The following APOBEC3H variants were observed in gnomAD, a reference collection of about 807,000 sequenced individuals.
The protein encoded by APOBEC3H is apolipoprotein B mRNA editing enzyme catalytic subunit 3H, also known as DNA dC->dU-editing enzyme APOBEC-3H.
In APOBEC3H, 8 loss-of-function variants were observed where a neutral mutation model predicts 21.2. That is an observed-to-expected ratio of 0.38 (90% CI 0.22 to 0.68). The LOEUF (loss-of-function observed/expected upper bound fraction) is 0.68. Ranked by LOEUF, APOBEC3H falls within the 30% of genes least tolerant of loss-of-function variation. The pLI is 0.52. For missense variants in APOBEC3H, 229 were observed against 228.1 expected (o/e 1.00, Z -0.03); for synonymous variants, 88 against 91.0 (o/e 0.97, Z 0.19).
At chr22:39,102,583 T>C (rs1411960229) in intron 4 of APOBEC3H, 2 of 718,136 alleles carry the variant, frequency 2.8e-6, no homozygotes, top group Admixed American at 4.0e-5. Flanking sequence ...TCACCCAATC[T>C]ACTGGAACAT....
intron 2 of APOBEC3H, among the ~76,000 whole-genome samples, chr22:39,100,924 G>A (rs1414135415): frequency 6.6e-6 from 1 of 151,952 alleles, no homozygotes; most frequent in African/African-American, 2.4e-5. Flanking sequence ...GGTCCACAGA[G>A]CTTCGGGACT....
intron 2 of APOBEC3H, among the ~76,000 whole-genome samples, chr22:39,100,726 C>T (rs139295): frequency 0.55 from 83,988 of 151,916 alleles, 25,165 homozygotes; most frequent in African/African-American, 0.81. Context: ...TCAGTCACTA[C>T]TTCGGGAAAG....
At chr22:39,102,537 G>T in intron 4 of APOBEC3H, 1 of 718,408 alleles carries the variant, frequency 1.4e-6, no homozygotes, top group Non-Finnish European at 2.6e-6. Flanking sequence ...GCGCAGGGTC[G>T]TTACATGGAT....
At chr22:39,099,612 A>C (rs2146315507) in intron 1 of APOBEC3H, among the ~76,000 whole-genome samples, 1 of 152,350 alleles carries the variant, frequency 6.6e-6, no homozygotes, top group African/African-American at 2.4e-5. Context: ...AGGCACACCC[A>C]CAGTTCTCAG....
chr22:39,102,056 C>T lies in APOBEC3H; in HGVS notation c.543+14C>T. 1 of 1,611,686 alleles carries T rather than the reference C, an allele frequency of 6.2e-7. No homozygotes were observed. On this transcript the variant is annotated intron_variant, in intron 4 of 4. Coordinates refer to ENST00000442487, the MANE Select transcript of APOBEC3H (RefSeq NM_181773.5). Reference sequence around the variant, plus strand: ...GAGAGGATAAAGGTGAGGCACTGTCCTGCCTGCTGCCCCCGACCTCCTCAC... The same window carrying T: ...GAGAGGATAAAGGTGAGGCACTGTCTTGCCTGCTGCCCCCGACCTCCTCAC...
chr22:39,101,943 T>C lies in APOBEC3H; in HGVS notation c.444T>C (p.Phe148=), dbSNP rs774836337. 9.9e-6 allele frequency: 16 copies of C among 1,613,728 alleles called. No homozygotes were observed. Among genetic ancestry groups the C allele is most frequent in the African/African-American group, 1.3e-5 (1 of 74,820 alleles). The stretch of plus-strand genomic sequence containing the variant: ...AGTTTGCTGACTGCTGGGAAAACTT[T>C]GTGGACCACGAGAAACCGCTTTCCT... ...FPEFADCWEN[F]VDHEKPLSFN... is the part of the protein sequence containing the mutation. The change falls in exon 4 of 5, where the codon TTT becomes TTC. Residue 148 remains phenylalanine, a synonymous_variant. Coordinates refer to ENST00000442487, the MANE Select transcript of APOBEC3H (RefSeq NM_181773.5).
intron 4 of APOBEC3H, 93 bp downstream of exon 4, chr22:39,102,135 A>G: frequency 6.7e-7 from 1 of 1,486,460 alleles, no homozygotes; most frequent in Non-Finnish European, 8.9e-7. Flanking sequence ...CCTTACCCCT[A>G]CCTTTTTTTC....
At chr22:39,099,122 G>C (rs1352221235) in intron 1 of APOBEC3H, among the ~76,000 whole-genome samples, 1 of 152,064 alleles carries the variant, frequency 6.6e-6, no homozygotes, top group African/African-American at 2.4e-5. Flanking sequence ...TTGAACCCGG[G>C]AGAATCACTT....
chr22:39,100,759 G>A (rs1369702355), intron 2 of APOBEC3H, among the ~76,000 whole-genome samples: 2 of 152,154 alleles, frequency 1.3e-5, no homozygotes, highest in African/African-American at 2.4e-5. Flanking sequence ...GCCACGGTCC[G>A]AGTGCAACTC....
intron 1 of APOBEC3H, among the ~76,000 whole-genome samples, chr22:39,098,869 G>A (rs1031296948): frequency 1.3e-5 from 2 of 152,158 alleles, no homozygotes; most frequent in African/African-American, 4.8e-5. Context: ...AAGGAGCTCA[G>A]GCCCTCGGGG....
At chr22:39,098,054 G>C (rs1929101342) in intron 1 of APOBEC3H, among the ~76,000 whole-genome samples, 1 of 152,194 alleles carries the variant, frequency 6.6e-6, no homozygotes, top group South Asian at 2.1e-4. Context: ...AGGCTGGCAG[G>C]GCTGGCCAGG....
Position 39,101,225 on chromosome 22 carries a change from G to A in APOBEC3H, c.151-12G>A. On this transcript the variant is annotated splice_polypyrimidine_tract_variant and intron_variant, in intron 2 of 4. Transcript: ENST00000442487. ...TCTCCCCTCCCTTCTCTCTGTTTGG[G>A]ACCCTCCCCAGAAAAAGTGCCATGC... 6.2e-7 allele frequency: 1 copy of A among 1,606,530 alleles called. No homozygotes were observed. The highest frequency in any genetic ancestry group is 8.5e-7 in the Non-Finnish European group (1 of 1,176,760).
At position 39,103,921 on chromosome 22, in the gene APOBEC3H, TTTCTG is replaced by T. The variant is rs1929508562; in HGVS notation, c.*229_*233del. ...TCCTTTCCTCCTTTTTCCATATTGC[TTTCTG>T]TTCTAAGTGGGTGAATAATTTTATA... On this transcript the variant is annotated 3_prime_UTR_variant, in exon 5 of 5. Transcript: ENST00000442487. The T allele has an allele frequency of 3.4e-6, 2 of 591,172 alleles. No individual in the cohort carries two copies. Among genetic ancestry groups the T allele is most frequent in the Non-Finnish European group, 6.0e-6 (2 of 330,582 alleles). 36.6% of individuals were successfully genotyped at this position (591,172 alleles called of 1,614,324 possible).
chr22:39,100,256 C>T lies in APOBEC3H; in HGVS notation c.-7-16C>T, dbSNP rs761214813. 3 of 1,604,288 alleles carry T rather than the reference C, an allele frequency of 1.9e-6. No individual in the cohort carries two copies. The South Asian group carries it at 3.3e-5, about 18-fold the overall frequency. On this transcript the variant is annotated splice_polypyrimidine_tract_variant and intron_variant, in intron 1 of 4. Coordinates refer to ENST00000442487, the MANE Select transcript of APOBEC3H (RefSeq NM_181773.5). ...ACGCTCCCTTCATCTTTGGTTTTCC[C>T]CTTTCTGTTGCACAGAAACACGATG... is the stretch of plus-strand genomic sequence containing the variant.
chr22:39,102,504 TC>T (rs1418540439), intron 4 of APOBEC3H: 1 of 718,466 alleles, frequency 1.4e-6, no homozygotes, highest in South Asian at 1.5e-5. Flanking sequence ...TCCTTCTTGT[TC>T]TTTTAGATTC....
intron 1 of APOBEC3H, among the ~76,000 whole-genome samples, chr22:39,098,659 G>T (rs887207661): frequency 1.3e-5 from 2 of 152,166 alleles, no homozygotes; most frequent in Non-Finnish European, 2.9e-5. Context: ...GGAAAGACCA[G>T]AGCTAGGGCC....
At position 39,100,407 on chromosome 22, in the gene APOBEC3H, G is replaced by A. The variant is rs139294; in HGVS notation, c.129G>A (p.Thr43=). ...QLTPQNGSTP[T]RGYFENKKKC... is the part of the protein sequence containing the mutation. ...CGCCGCAGAATGGCTCCACGCCCACGAGAGGCTACTTTGAAAACAAGGTGC... is the reference window on the plus strand; with the variant it reads ...CGCCGCAGAATGGCTCCACGCCCACAAGAGGCTACTTTGAAAACAAGGTGC... Residue 43 remains threonine, a synonymous_variant, in exon 2 of 5, where the codon ACG becomes ACA. Transcript: ENST00000442487. 2 of 1,613,576 alleles carry A rather than the reference G, an allele frequency of 1.2e-6. No homozygotes were observed. The highest frequency in any genetic ancestry group is 4.5e-5 in the East Asian group (2 of 44,854).
intron 3 of APOBEC3H, 99 bp downstream of exon 3, chr22:39,101,603 G>A (rs1282978788): frequency 1.6e-5 from 6 of 384,204 alleles, no homozygotes; most frequent in Non-Finnish European, 2.7e-5. Flanking sequence ...GGAGGTTGGC[G>A]GGGGGCGGGG....
At chr22:39,100,524 A>G in intron 2 of APOBEC3H, 96 bp downstream of exon 2, 1 of 1,482,372 alleles carries the variant, frequency 6.7e-7, no homozygotes, top group Non-Finnish European at 9.1e-7. Flanking sequence ...AAATTTCTCA[A>G]TTTTTGATGT....
Sources: gnomAD v4.1 joint callset for allele counts (sites outside exome capture counted in the v4.1 genomes callset) on GRCh38, gnomAD v4.1.1 for gene constraint, MANE v1.5 for transcripts, NCBI Gene and HGNC (gene_info 2026-07-23, HGNC 2026-07-21) for gene names.